FHIT: variants seen among roughly 807,000 people sequenced by gnomAD.
The protein encoded by FHIT is fragile histidine triad diadenosine triphosphatase.
FHIT carries 19 observed loss-of-function variants against 17.9 expected under a neutral mutation model. The observed-to-expected ratio is 1.06, with a 90% CI of 0.74 to 1.56. The LOEUF (loss-of-function observed/expected upper bound fraction) is 1.56, where lower values mean the gene tolerates loss of function less well. Among genes scored for constraint, FHIT ranks in the 40% most tolerant of loss-of-function variants. The probability of loss-of-function intolerance (pLI) is 0.00; values close to 1 mark genes in which losing one functional copy is unlikely to be tolerated. For synonymous variants in FHIT, 81 were observed against 69.7 expected (o/e 1.16, Z -0.81); for missense variants, 248 against 189.2 (o/e 1.31, Z -1.82).
At chr3:60,552,793 T>C (rs1480427080) in intron 4 of FHIT, among the ~76,000 whole-genome samples, 1 of 152,230 alleles carries the variant, frequency 6.6e-6, no homozygotes, top group African/African-American at 2.4e-5. Context: ...GAAGGAAAGA[T>C]AATTAAGGAA....
At position 60,424,331 on chromosome 3, in the gene FHIT, T is replaced by G. The variant is rs1056401643; in HGVS notation, c.103+112529A>C. Among the ~76,000 whole-genome samples, 112 of 152,144 alleles carry G rather than the reference T, an allele frequency of 7.4e-4. 3 individuals carry two copies. Among genetic ancestry groups the G allele is most frequent in the Admixed American group, 1.3e-4 (2 of 15,254 alleles). ...ACTGGCTAATATCGGAGAACATGTT[T>G]TGAGATTATTAGAAAATGAACTCAC... On this transcript the variant is annotated intron_variant, in intron 5 of 9. Transcript: ENST00000492590.
At chr3:59,815,535 T>C (rs192549225) in intron 8 of FHIT, among the ~76,000 whole-genome samples, 1 of 152,196 alleles carries the variant, frequency 6.6e-6, no homozygotes, top group Non-Finnish European at 1.5e-5. Context: ...ATATATACAA[T>C]GGACTACTAC....
intron 8 of FHIT, among the ~76,000 whole-genome samples, chr3:59,846,963 T>C (rs1171743415): frequency 6.6e-6 from 1 of 152,202 alleles, no homozygotes; most frequent in African/African-American, 2.4e-5. Context: ...TGAGGATCCC[T>C]AGTGCATGAC....
intron 4 of FHIT, among the ~76,000 whole-genome samples, chr3:60,662,461 A>AG (rs2040280728): frequency 1.3e-5 from 2 of 152,092 alleles, no homozygotes; most frequent in African/African-American, 4.8e-5. Context: ...TATAGTTTGA[A>AG]GTTGGGTAAT....
At chr3:61,065,286 CACACACACAT>C (rs1263964049) in intron 2 of FHIT, among the ~76,000 whole-genome samples, 1 of 113,066 alleles carries the variant, frequency 8.8e-6, no homozygotes, top group African/African-American at 2.9e-5. Flanking sequence ...CACACACACA[CACACACACAT>C]ACACACACAG....
At chr3:61,063,394 A>C (rs1373429935) in intron 2 of FHIT, among the ~76,000 whole-genome samples, 1 of 152,104 alleles carries the variant, frequency 6.6e-6, no homozygotes, top group Non-Finnish European at 1.5e-5. Flanking sequence ...CGGGGCTCAA[A>C]CCACTTATGT....
intron 5 of FHIT, among the ~76,000 whole-genome samples, chr3:60,426,859 T>G (rs1702687178): frequency 6.6e-6 from 1 of 152,154 alleles, no homozygotes; most frequent in Admixed American, 6.6e-5. Flanking sequence ...AGCAGACTTC[T>G]GAGATGTCCC....
intron 5 of FHIT, among the ~76,000 whole-genome samples, chr3:60,385,909 A>T (rs1302817647): frequency 6.6e-6 from 1 of 152,186 alleles, no homozygotes; most frequent in Non-Finnish European, 1.5e-5. Flanking sequence ...ACTCTAAGAG[A>T]TTAACCCTAC....
rs2293211 is a variant in FHIT at position 59,920,901 on chromosome 3, C to G, written c.348+1445G>C. On this transcript the variant is annotated intron_variant, in intron 8 of 9. Coordinates refer to ENST00000492590, the MANE Select transcript of FHIT (RefSeq NM_002012.4). ...AAATGGCTTTGTAAAACCCAGAGAG[C>G]CTATTCCCAAAGGTAGTCATGCATC... 5.6e-3 allele frequency among the ~76,000 whole-genome samples: 855 copies of G among 152,238 alleles called. 8 individuals are homozygous for G. The East Asian group carries it at 0.065, about 12-fold the overall frequency.
chr3:60,540,580 C>G (rs1427044178), intron 4 of FHIT, among the ~76,000 whole-genome samples: 1 of 152,158 alleles, frequency 6.6e-6, no homozygotes, highest in Non-Finnish European at 1.5e-5. Flanking sequence ...GGAAAGAAAC[C>G]CCACACATTT....
chr3:60,576,387 C>A (rs2037566112), intron 4 of FHIT, among the ~76,000 whole-genome samples: 1 of 152,050 alleles, frequency 6.6e-6, no homozygotes, highest in African/African-American at 2.4e-5. Context: ...GGTATGGTGT[C>A]TGCAAATGCT....
chr3:59,998,686 C>T (rs756946868), intron 7 of FHIT, among the ~76,000 whole-genome samples: 2 of 152,068 alleles, frequency 1.3e-5, no homozygotes, highest in African/African-American at 4.8e-5. Flanking sequence ...TATTCCAACA[C>T]AGGAAATAAG....
chr3:60,962,446 G>A (rs1298326162), intron 3 of FHIT, among the ~76,000 whole-genome samples: 1 of 152,114 alleles, frequency 6.6e-6, no homozygotes, highest in Non-Finnish European at 1.5e-5. Context: ...TGATTGCCCT[G>A]GCCAGAATTT....
chr3:60,790,800 T>TGAC (rs1553728302), intron 4 of FHIT, among the ~76,000 whole-genome samples: 1 of 152,174 alleles, frequency 6.6e-6, no homozygotes, highest in Admixed American at 6.5e-5. Context: ...AAACGAGGGA[T>TGAC]GACTTCAGTT....
intron 5 of FHIT, among the ~76,000 whole-genome samples, chr3:60,248,969 C>G (rs115579062): frequency 6.6e-6 from 1 of 152,120 alleles, no homozygotes; most frequent in Non-Finnish European, 1.5e-5. Flanking sequence ...CTTCCTTTAG[C>G]CTGCCTACAG....
intron 5 of FHIT, among the ~76,000 whole-genome samples, chr3:60,284,429 C>T (rs528392072): frequency 2.4e-4 from 37 of 152,110 alleles, no homozygotes; most frequent in African/African-American, 8.2e-4. Flanking sequence ...GTCTAATTTC[C>T]AATTTATCTA....
intron 5 of FHIT, among the ~76,000 whole-genome samples, chr3:60,317,635 G>GTATATATATA (rs372678434): frequency 4.5e-5 from 6 of 134,476 alleles, no homozygotes; most frequent in African/African-American, 1.3e-4. Flanking sequence ...GTGTGTGTGT[G>GTATATATATA]TATATATATA....
intron 3 of FHIT, among the ~76,000 whole-genome samples, chr3:60,998,637 G>T (rs1233346336): frequency 6.6e-6 from 1 of 151,950 alleles, no homozygotes; most frequent in African/African-American, 2.4e-5. Context: ...ACCTAATAGA[G>T]TTAAAAGCTT....
At chr3:60,514,311 C>T (rs142815239) in intron 5 of FHIT, among the ~76,000 whole-genome samples, 2 of 152,344 alleles carry the variant, frequency 1.3e-5, no homozygotes, top group Non-Finnish European at 2.9e-5. Context: ...ATGCACAGGG[C>T]CTGCTTCTGC....
Sources: allele counts gnomAD v4.1 joint callset (sites outside exome capture counted in the v4.1 genomes callset), GRCh38; gene constraint gnomAD v4.1.1; transcripts MANE v1.5; gene names NCBI Gene and HGNC (gene_info 2026-07-23, HGNC 2026-07-21).